The following ERG variants were observed in gnomAD, a reference collection of about 807,000 sequenced individuals.
ERG encodes transcriptional regulator ERG.
A neutral mutation model predicts 55.3 loss-of-function variants in ERG; 9 were observed. The observed-to-expected ratio is 0.16, with a 90% CI of 0.10 to 0.28. ERG has a LOEUF of 0.28. Among genes scored for constraint, ERG ranks in the 10% least tolerant of loss-of-function variants. The probability of loss-of-function intolerance (pLI) is 1.00; values close to 1 mark genes in which losing one functional copy is unlikely to be tolerated. For missense variants in ERG, 434 were observed against 631.6 expected (o/e 0.69, Z 3.35); for synonymous variants, 223 against 237.3 (o/e 0.94, Z 0.55).
intron 3 of ERG, among the ~76,000 whole-genome samples, chr21:38,420,059 T>A (rs561209476): frequency 6.6e-6 from 1 of 150,552 alleles, no homozygotes; most frequent in East Asian, 1.9e-4. Flanking sequence ...CAGCTATCCG[T>A]GTGATTTGCA....
At chr21:38,371,705 CA>C in the ERG span, among the ~76,000 whole-genome samples, 1 of 151,976 alleles carries the variant, frequency 6.6e-6, no homozygotes, top group Non-Finnish European at 1.5e-5. Context: ...CTATTTTGAT[CA>C]ACCCACCTTG....
chr21:38,642,257 C>A (rs757782827), intron 1 of ERG, among the ~76,000 whole-genome samples: 1 of 152,120 alleles, frequency 6.6e-6, no homozygotes, highest in Non-Finnish European at 1.5e-5. Flanking sequence ...GAGAGAAATT[C>A]CACTATCTGG....
intron 3 of ERG, among the ~76,000 whole-genome samples, chr21:38,418,167 G>A (rs1989365193): frequency 6.6e-6 from 1 of 151,778 alleles, no homozygotes; most frequent in Non-Finnish European, 1.5e-5. Context: ...CTTCTATCTA[G>A]ATTAGAACTT....
At chr21:38,404,905 T>C (rs1988689198) in intron 3 of ERG, among the ~76,000 whole-genome samples, 1 of 152,190 alleles carries the variant, frequency 6.6e-6, no homozygotes, top group African/African-American at 2.4e-5. Context: ...CTGCAATACA[T>C]TTTTAGGTTT....
At chr21:38,477,453 G>C (rs913503664) in intron 1 of ERG, among the ~76,000 whole-genome samples, 13 of 152,018 alleles carry the variant, frequency 8.6e-5, no homozygotes, top group Non-Finnish European at 1.3e-4. Flanking sequence ...GGTTTTCATG[G>C]GGAGCAAACC....
intron 6 of ERG, among the ~76,000 whole-genome samples, chr21:38,395,098 T>G (rs951414008): frequency 6.6e-6 from 1 of 152,234 alleles, no homozygotes; most frequent in Non-Finnish European, 1.5e-5. Flanking sequence ...GACAGTTATA[T>G]GAACAATGAT....
chr21:38,539,997 A>G (rs2059740875), intron 2 of ERG, among the ~76,000 whole-genome samples: 1 of 150,728 alleles, frequency 6.6e-6, no homozygotes. Context: ...CCCAGGTTCA[A>G]TCAATTCTCC....
intron 2 of ERG, among the ~76,000 whole-genome samples, chr21:38,540,482 A>C (rs1008556399): frequency 5.3e-5 from 8 of 152,072 alleles, no homozygotes; most frequent in Admixed American, 5.2e-4. Context: ...TAAACTGCAA[A>C]CCCCTGGCAA....
At chr21:38,574,945 A>G (rs898356902) in intron 2 of ERG, among the ~76,000 whole-genome samples, 30 of 152,216 alleles carry the variant, frequency 2.0e-4, no homozygotes, top group Non-Finnish European at 4.0e-4. Flanking sequence ...TTTGTCAAAT[A>G]TATGAAAACT....
At chr21:38,514,324 T>G (rs2059536287) in intron 2 of ERG, among the ~76,000 whole-genome samples, 1 of 151,366 alleles carries the variant, frequency 6.6e-6, no homozygotes, top group South Asian at 2.1e-4. Flanking sequence ...AAAGGAAAAT[T>G]ATGGGTCAAT....
intron 2 of ERG, among the ~76,000 whole-genome samples, chr21:38,514,870 T>A (rs1301153715): frequency 6.6e-6 from 1 of 151,934 alleles, no homozygotes; most frequent in Non-Finnish European, 1.5e-5. Context: ...AATAAGTCAT[T>A]AGAATTAATA....
chr21:38,578,231 T>A (rs543131302), intron 1 of ERG, among the ~76,000 whole-genome samples: 4 of 152,338 alleles, frequency 2.6e-5, no homozygotes, highest in Admixed American at 2.6e-4. Context: ...AAATGGGTTG[T>A]TGTACTAAGC....
Position 38,413,183 on chromosome 21 carries a change from C to T in ERG, c.389-9474G>A, listed in dbSNP as rs141643045. 1.1e-3 allele frequency among the ~76,000 whole-genome samples: 161 copies of T among 152,274 alleles called. 2 individuals carry two copies. Among genetic ancestry groups the T allele is most frequent in the African/African-American group, 3.2e-3 (135 of 41,554 alleles). ...CAACATAAGAATGTGCTGCTCTGCT[C>T]TATTCTCACTTTTTTCCTTATTTTA... On this transcript the variant is annotated intron_variant, in intron 3 of 9. Coordinates refer to ENST00000288319, the MANE Select transcript of ERG (RefSeq NM_182918.4).
At chr21:38,500,655 C>A (rs1315038211), upstream of ERG, among the ~76,000 whole-genome samples, 2 of 152,132 alleles carry the variant, frequency 1.3e-5, no homozygotes, top group African/African-American at 4.8e-5. Context: ...GTATAACATA[C>A]ATGCATGCAT....
intron 1 of ERG, among the ~76,000 whole-genome samples, chr21:38,604,918 C>T (rs1031109752): frequency 6.6e-5 from 10 of 152,204 alleles, no homozygotes; most frequent in African/African-American, 2.4e-4. Context: ...AGAAAGTGTA[C>T]TTATTATAGG....
intron 2 of ERG, among the ~76,000 whole-genome samples, chr21:38,559,841 C>T (rs2059882198): frequency 6.6e-6 from 1 of 152,132 alleles, no homozygotes; most frequent in Non-Finnish European, 1.5e-5. Flanking sequence ...CCACCACGCC[C>T]AGCTAATTTT....
intron 4 of ERG, 86 bp from the exon 5 acceptor site, chr21:38,402,723 AAAAAAAAAG>A: frequency 1.2e-6 from 1 of 860,812 alleles, no homozygotes. Context: ...AAAAAAAAAA[AAAAAAAAAG>A]AAAGAAAAAG....
At chr21:38,445,990 A>AG (rs2058888187) in intron 1 of ERG, among the ~76,000 whole-genome samples, 2 of 151,938 alleles carry the variant, frequency 1.3e-5, no homozygotes, top group Non-Finnish European at 2.9e-5. Context: ...GACAGGGTAC[A>AG]GAGCGGTCAT....
chr21:38,435,343 C>T (rs79393436), intron 2 of ERG, among the ~76,000 whole-genome samples: 2 of 152,104 alleles, frequency 1.3e-5, no homozygotes, highest in African/African-American at 2.4e-5. Flanking sequence ...TTGTCTGGAG[C>T]GCTGCAGGGT....
Sources: allele counts gnomAD v4.1 joint callset (sites outside exome capture counted in the v4.1 genomes callset), GRCh38; gene constraint gnomAD v4.1.1; transcripts MANE v1.5; gene names NCBI Gene and HGNC (gene_info 2026-07-23, HGNC 2026-07-21).